MATR3: variants seen among roughly 807,000 people sequenced by gnomAD.
The protein encoded by MATR3 is matrin 3, also known as matrin-3.
A neutral mutation model predicts 85.5 loss-of-function variants in MATR3; 4 were observed. The observed-to-expected ratio is 0.05, with a 90% CI of 0.02 to 0.11. The LOEUF (loss-of-function observed/expected upper bound fraction) is 0.11, where lower values mean the gene tolerates loss of function less well. MATR3 is among the 10% of genes least tolerant of loss of function. The pLI is 1.00. For missense variants in MATR3, 685 were observed against 1,016.1 expected, an observed-to-expected ratio of 0.67 and a Z score of 4.43; for synonymous variants, 336 against 343.1, an observed-to-expected ratio of 0.98 and a Z score of 0.23.
intron 1 of MATR3, among the ~76,000 whole-genome samples, chr5:139,295,950 G>C (rs369319788): frequency 1.3e-5 from 2 of 152,036 alleles, no homozygotes; most frequent in African/African-American, 2.4e-5. Flanking sequence ...CAGCCTCCTG[G>C]GTAGCTGAGA....
chr5:139,316,007 C>T (rs1302366244), intron 4 of MATR3, 69 bp from the exon 5 acceptor site: 1 of 1,208,470 alleles, frequency 8.3e-7, no homozygotes, highest in South Asian at 1.2e-5. Flanking sequence ...GGTGCTTTAA[C>T]ATTTAATCTT....
chr5:139,296,530 T>G (rs2151927989), intron 1 of MATR3, among the ~76,000 whole-genome samples: 1 of 152,350 alleles, frequency 6.6e-6, no homozygotes, highest in Non-Finnish European at 1.5e-5. Context: ...GTAAATACTG[T>G]AACTGCTTAA....
intron 1 of MATR3, among the ~76,000 whole-genome samples, chr5:139,299,093 A>G (rs2151937031): frequency 6.6e-6 from 1 of 152,322 alleles, no homozygotes; most frequent in Admixed American, 6.5e-5. Context: ...GGAAATTGCT[A>G]TGTAGATTTA....
intron 14 of MATR3, among the ~76,000 whole-genome samples, chr5:139,327,204 A>G (rs1190397690): frequency 2.6e-5 from 4 of 152,086 alleles, no homozygotes; most frequent in Admixed American, 2.6e-4. Flanking sequence ...TAAGTTAACT[A>G]TAGTTACTCA....
Position 139,322,818 on chromosome 5 carries a change from G to A in MATR3, c.1999G>A (p.Ala667Thr). The change falls in exon 12 of 15, where the codon GCA becomes ACA. Residue 667 changes from alanine to threonine, a missense_variant. Around this residue, in one of 9 missense-constraint regions of MATR3, gnomAD observed 215 missense variants for 194.7 expected, o/e 1.10. Transcript: ENST00000394805. ...ACTTGTAGATGAAGAAGAAGCAGCA[G>A]CACTGCTAGAAAGTGGCAGTTCAGT... is the stretch of plus-strand genomic sequence containing the variant. ...ELLVDEEEAA[A>T]LLESGSSVGD... is the part of the protein sequence containing the mutation. The A allele has an allele frequency of 3.1e-6, 5 of 1,614,212 alleles. No individual in the cohort carries two copies. Among genetic ancestry groups the A allele is most frequent in the Non-Finnish European group, 4.2e-6 (5 of 1,180,038 alleles).
intron 9 of MATR3, among the ~76,000 whole-genome samples, chr5:139,320,743 CTTTTTTTTTTTTT>C (rs1175972721): frequency 2.0e-5 from 2 of 102,420 alleles, no homozygotes; most frequent in Non-Finnish European, 3.6e-5. Context: ...AAGCTTATTA[CTTTTTTTTTTTTT>C]TTTTTTTTTG....
At chr5:139,320,945 A>G (rs1173156267) in intron 9 of MATR3, among the ~76,000 whole-genome samples, 4 of 139,232 alleles carry the variant, frequency 2.9e-5, no homozygotes, top group African/African-American at 8.0e-5. Flanking sequence ...TATTTTTACT[A>G]GAGACGGGTT....
intron 3 of MATR3, among the ~76,000 whole-genome samples, chr5:139,285,578 C>G (rs951068896): frequency 1.3e-5 from 2 of 152,054 alleles, no homozygotes; most frequent in Non-Finnish European, 2.9e-5. Flanking sequence ...GAGGCTGAGG[C>G]AGGAGAATTA....
intron 1 of MATR3, among the ~76,000 whole-genome samples, chr5:139,295,726 C>A (rs924690286): frequency 3.9e-5 from 6 of 152,128 alleles, no homozygotes; most frequent in African/African-American, 1.4e-4. Flanking sequence ...TAGTTCAAAT[C>A]CCTAATTTTA....
At chr5:139,298,518 G>A (rs749954524) in intron 1 of MATR3, among the ~76,000 whole-genome samples, 2 of 152,170 alleles carry the variant, frequency 1.3e-5, no homozygotes, top group Non-Finnish European at 2.9e-5. Flanking sequence ...GCAGTGAGGC[G>A]AGATCGTGCC....
At chr5:139,278,409 G>A (rs1313997556) in intron 2 of MATR3, 3 of 452,556 alleles carry the variant, frequency 6.6e-6, no homozygotes, top group Non-Finnish European at 1.3e-5. Context: ...CAGTTTTCAG[G>A]TAAATATCCC....
chr5:139,281,872 A>G (rs1328957394), intron 3 of MATR3, among the ~76,000 whole-genome samples: 4 of 152,148 alleles, frequency 2.6e-5, no homozygotes, highest in Admixed American at 2.6e-4. Flanking sequence ...ACCCCCACCA[A>G]CCTTGAATTT....
At chr5:139,288,193 A>G (rs554354421) in intron 3 of MATR3, among the ~76,000 whole-genome samples, 149 of 152,298 alleles carry the variant, frequency 9.8e-4, no homozygotes, top group Admixed American at 2.6e-3. Context: ...CAGCCTGGGA[A>G]ACACGAGACC....
At position 139,307,187 on chromosome 5, in the gene MATR3, AAC is replaced by A. The variant is rs1305867347; in HGVS notation, c.-177-51_-177-50del. ...TGCATAAGTTTTTTTTTCTTAAAAA[AAC>A]GGCATCTGCTTAAAGGGATTTATGA... On this transcript the variant is annotated intron_variant, in intron 1 of 14. Coordinates refer to ENST00000394805, the MANE Select transcript of MATR3 (RefSeq NM_018834.6). This position sits in a 1 kb window ranked among gnomAD's most constrained non-coding sequence, Gnocchi z 4.4. The A allele has an allele frequency of 8.3e-7, 1 of 1,203,116 alleles. No homozygotes were observed. The highest frequency in any genetic ancestry group is 1.0e-6 in the Non-Finnish European group (1 of 969,372). The allele number at this position is 1,203,116 out of a possible 1,614,324, so 74.5% of individuals were successfully genotyped here. A position where few individuals can be genotyped will look rare whatever the true frequency, so the allele number is the denominator to read the frequency against.
At chr5:139,274,114 G>T (rs546555324) in exon 1 of MATR3, 23 of 448,846 alleles carry the variant, frequency 5.1e-5, no homozygotes, top group African/African-American at 4.5e-4. Flanking sequence ...TTTCCCCTCC[G>T]GCCTCTGCCG....
At position 139,325,555 on chromosome 5, in the gene MATR3, A is replaced by G. The variant is rs144637575; in HGVS notation, c.2264A>G (p.Asn755Ser). Residue 755 changes from asparagine to serine, a missense_variant, in exon 13 of 15, where the codon AAC becomes AGC. By Grantham distance (46) the Asn-to-Ser change is conservative (BLOSUM62 1). Transcript: ENST00000394805. ...TCTTCTGAGAACGCTGATGATCCCA[A>G]CAAAGATACAAGTGAAAACGCAGAT... ...AESSENADDP[N>S]KDTSENADGQ... 21 of 1,614,088 alleles carry G rather than the reference A, an allele frequency of 1.3e-5. No homozygotes were observed. The African/African-American group carries it at 2.3e-4, about 17-fold the overall frequency.
intron 5 of MATR3, among the ~76,000 whole-genome samples, 182 bp downstream of exon 5, chr5:139,316,370 C>T (rs1016665938): frequency 1.3e-5 from 2 of 152,084 alleles, no homozygotes; most frequent in Admixed American, 6.6e-5. Context: ...TTCAGCCTAC[C>T]GAGTAGCTGG....
At chr5:139,311,807 T>A (rs1445875690) in intron 2 of MATR3, 2 of 127,486 alleles carry the variant, frequency 1.6e-5, no homozygotes, top group African/African-American at 5.8e-5. Context: ...TCGCTCTGTG[T>A]CCCAGGCTGG....
At chr5:139,280,496 C>T (rs1210233481) in intron 3 of MATR3, 1 of 152,218 alleles carries the variant, frequency 6.6e-6, no homozygotes, top group Non-Finnish European at 1.5e-5. Flanking sequence ...AAGAAATTAA[C>T]CAGTAGTAAA....
Sources: gnomAD v4.1 joint callset for allele counts (sites outside exome capture counted in the v4.1 genomes callset) on GRCh38, gnomAD v4.1.1 for gene constraint, gnomAD v4.1.1 regional missense constraint, Gnocchi (gnomAD v3.1) non-coding constraint, MANE v1.5 for transcripts, NCBI Gene and HGNC (gene_info 2026-07-23, HGNC 2026-07-21) for gene names.